Variants in RIC3 observed in about 807,000 individuals in gnomAD.
RIC3 encodes protein RIC-3.
In RIC3, 28 loss-of-function variants were observed where a neutral mutation model predicts 27.3. The ratio of observed to expected loss-of-function variants is 1.02; its 90% CI spans 0.76 to 1.41. The LOEUF is 1.41. RIC3 is among the 40% of genes most tolerant of loss of function. The pLI is 0.00. For synonymous variants in RIC3, 184 were observed against 160.4 expected, an observed-to-expected ratio of 1.15 and a Z score of -1.11; for missense variants, 501 against 444.7, an observed-to-expected ratio of 1.13 and a Z score of -1.14.
Position 8,106,221 on chromosome 11 carries a change from ATTAAAC to A in RIC3, c.*4471_*4476del, listed in dbSNP as rs1178403995. On this transcript the variant is annotated 3_prime_UTR_variant, in exon 6 of 6. Transcript: ENST00000309737. ...TCTAAGTACACACATATATCAACAAATTAAACTTGAATCGTTTCAACACTTCTGTGT... is the reference window on the plus strand; with the variant it reads ...TCTAAGTACACACATATATCAACAAATTGAATCGTTTCAACACTTCTGTGT... 2.0e-5 allele frequency: 3 copies of A among 152,244 alleles called. No homozygotes were observed. In the East Asian group the frequency reaches 5.8e-4, roughly 29 times the overall value. The allele number at this position is 152,244 out of a possible 1,614,324, so 9.4% of individuals were successfully genotyped here. A position where few individuals can be genotyped will look rare whatever the true frequency, so the allele number is the denominator to read the frequency against.
rs200115129 is a variant in RIC3, at chr11:8,122,455, G to GTA, written c.670+4202_670+4203dup. Among the ~76,000 whole-genome samples, 97 of 151,824 alleles carry GTA rather than the reference G, an allele frequency of 6.4e-4. 2 individuals are homozygous for GTA. In the East Asian group the frequency reaches 0.015, roughly 24 times the overall value. On this transcript the variant is annotated intron_variant, in intron 5 of 5. Coordinates refer to ENST00000309737, the MANE Select transcript of RIC3 (RefSeq NM_001206671.4). ...TATTGCTAAGTGTATACCACAGTGT[G>GTA]TATATATATATGTACCACAGTTTAT...
In RIC3 at chr11:8,106,390, TG is replaced by T. The variant is rs1392612342; in HGVS notation, c.*4307del. On this transcript the variant is annotated 3_prime_UTR_variant, in exon 6 of 6. Transcript: ENST00000309737. ...AGATCATAACCTCACCAATGACATG[TG>T]GGTCAACACTGTCCTTCCTCTGGCC... The T allele has an allele frequency of 6.6e-6, 1 of 152,134 alleles. No homozygotes were observed. The highest frequency in any genetic ancestry group is 2.4e-5 in the African/African-American group (1 of 41,424). The allele number at this position is 152,134 out of a possible 1,614,324, so 9.4% of individuals were successfully genotyped here. A position where few individuals can be genotyped will look rare whatever the true frequency, so the allele number is the denominator to read the frequency against.
chr11:8,100,921 G>C, the RIC3 span: 2 of 1,614,144 alleles, frequency 1.2e-6, no homozygotes, highest in Non-Finnish European at 1.7e-6. Flanking sequence ...ATGACACACA[G>C]TCCTATGTAC....
At chr11:8,101,674 G>A (rs1307289480), downstream of RIC3, 3 of 1,597,330 alleles carry the variant, frequency 1.9e-6, no homozygotes, top group East Asian at 2.3e-5. Context: ...TTGCCTGCCT[G>A]CCTGTGGAGA....
the RIC3 span, chr11:8,098,816 G>A: frequency 6.2e-7 from 1 of 1,614,178 alleles, no homozygotes; most frequent in South Asian, 1.1e-5. Flanking sequence ...CCCTCAGAAG[G>A]CCTCATCCTC....
At chr11:8,145,214 A>AG (rs397708267) in intron 1 of RIC3, among the ~76,000 whole-genome samples, 3 of 151,030 alleles carry the variant, frequency 2.0e-5, no homozygotes, top group African/African-American at 7.3e-5. Flanking sequence ...AAAAAAAAAA[A>AG]GAAAGAAAAT....
At chr11:8,151,585 C>CAAAAAAAAAAAAAAAAAAAA (rs60087055) in intron 1 of RIC3, among the ~76,000 whole-genome samples, 5 of 61,696 alleles carry the variant, frequency 8.1e-5, no homozygotes, top group Admixed American at 3.7e-4. Context: ...AACTCCGTCT[C>CAAAAAAAAAAAAAAAAAAAA]AAAAAAAAAA....
chr11:8,151,976 A>C (rs1034278191), intron 1 of RIC3, among the ~76,000 whole-genome samples: 7 of 152,128 alleles, frequency 4.6e-5, no homozygotes, highest in Admixed American at 4.6e-4. Context: ...AAGACAAACA[A>C]ATGTCCAATA....
chr11:8,114,929 T>A (rs2134094430), intron 5 of RIC3, among the ~76,000 whole-genome samples: 1 of 151,932 alleles, frequency 6.6e-6, no homozygotes, highest in Non-Finnish European at 1.5e-5. Context: ...CAATATACAG[T>A]TGGATGAGAA....
chr11:8,094,229 G>C, the RIC3 span: 1 of 1,572,018 alleles, frequency 6.4e-7, no homozygotes, highest in South Asian at 1.2e-5. Context: ...AGCAGGCCTG[G>C]CCTCCACTGT....
intron 1 of RIC3, among the ~76,000 whole-genome samples, chr11:8,152,325 A>C (rs1950313344): frequency 6.6e-6 from 1 of 152,244 alleles, no homozygotes; most frequent in African/African-American, 2.4e-5. Context: ...CTAAATGTCC[A>C]TCAACTTATG....
Position 8,110,745 on chromosome 11 carries a change from A to G in RIC3, c.1063T>C (p.Tyr355His), listed in dbSNP as rs768674182. 2 of 1,614,074 alleles carry G rather than the reference A, an allele frequency of 1.2e-6. No homozygotes were observed. The highest frequency in any genetic ancestry group is 1.7e-5 in the Admixed American group (1 of 60,016). The change falls in exon 6 of 6, where the codon TAT becomes CAT. Residue 355 changes from tyrosine to histidine, a missense_variant. Coordinates refer to ENST00000309737, the MANE Select transcript of RIC3 (RefSeq NM_001206671.4). The stretch of plus-strand genomic sequence containing the variant: ...CGCTTCCTCAGCATGCTGCCTGTAT[A>G]TGCTTTATCGGTGCTGATGCCCAAC... ...EGLGISTDKA[Y>H]TGSMLRKRNP...
the RIC3 span, among the ~76,000 whole-genome samples, chr11:8,099,855 G>C: frequency 2.6e-5 from 4 of 152,192 alleles, no homozygotes; most frequent in South Asian, 8.3e-4. Context: ...CAAAAGTCCT[G>C]AATGCCTGGC....
In RIC3 at chr11:8,109,013, A is replaced by G. The variant is rs560480541; in HGVS notation, c.*1685T>C. On this transcript the variant is annotated 3_prime_UTR_variant, in exon 6 of 6. Transcript: ENST00000309737. Reference sequence around the variant, plus strand: ...ACAATACATCTAGATTGCATTCAGTATATTTTAAACTGCATTCTTCACAAT... The same window carrying G: ...ACAATACATCTAGATTGCATTCAGTGTATTTTAAACTGCATTCTTCACAAT... The G allele has an allele frequency of 6.6e-6, 1 of 152,378 alleles. No homozygotes were observed. Among genetic ancestry groups the G allele is most frequent in the East Asian group, 1.9e-4 (1 of 5,194 alleles). The allele number at this position is 152,378 out of a possible 1,614,324, so 9.4% of individuals were successfully genotyped here. A position where few individuals can be genotyped will look rare whatever the true frequency, so the allele number is the denominator to read the frequency against.
rs117806007 is a variant in RIC3 at position 8,116,160 on chromosome 11, G to A, written c.671-5023C>T. Among the ~76,000 whole-genome samples, 583 of 152,056 alleles carry A rather than the reference G, an allele frequency of 3.8e-3. 12 individuals are homozygous for A. The highest frequency in any genetic ancestry group is 5.1e-3 in the Non-Finnish European group (347 of 67,946). On this transcript the variant is annotated intron_variant, in intron 5 of 5. Coordinates refer to ENST00000309737, the MANE Select transcript of RIC3 (RefSeq NM_001206671.4). ...AAACACACACACACACAGGTCAAAG[G>A]ACAAACACAAAAAGGTCAAAGGACA...
At chr11:8,100,812 G>C in the RIC3 span, 2 of 1,613,204 alleles carry the variant, frequency 1.2e-6, no homozygotes, top group East Asian at 2.2e-5. Context: ...GCTCAGGTGA[G>C]GCTGCCCTCC....
chr11:8,148,229 G>A (rs973111159), intron 1 of RIC3, among the ~76,000 whole-genome samples: 1 of 151,642 alleles, frequency 6.6e-6, no homozygotes, highest in Non-Finnish European at 1.5e-5. Context: ...TTTAGAGACT[G>A]GGTCAGCAAC....
the RIC3 span, chr11:8,100,570 T>C: frequency 3.7e-6 from 6 of 1,614,044 alleles, no homozygotes; most frequent in Non-Finnish European, 5.1e-6. Flanking sequence ...ATGAACATGG[T>C]TCATGAGAGA....
At chr11:8,126,088 CT>C (rs1360317029) in intron 5 of RIC3, among the ~76,000 whole-genome samples, 3 of 152,116 alleles carry the variant, frequency 2.0e-5, no homozygotes. Flanking sequence ...AAAAATCTCA[CT>C]CCTAGGTATA....
Sources: allele counts gnomAD v4.1 joint callset (sites outside exome capture counted in the v4.1 genomes callset), GRCh38; gene constraint gnomAD v4.1.1; transcripts MANE v1.5; gene names NCBI Gene and HGNC (gene_info 2026-07-23, HGNC 2026-07-21).